The following TET2 variants were observed in gnomAD, a reference collection of about 807,000 sequenced individuals.
TET2 encodes the protein tet methylcytosine dioxygenase 2, also known as methylcytosine dioxygenase TET2.
In TET2, 299 loss-of-function variants were observed where a neutral mutation model predicts 142.9. The observed-to-expected ratio is 2.09, with a 90% CI of 1.90 to 2.30. The LOEUF is 2.30. TET2 is among the 30% of genes most tolerant of loss of function. The pLI, the probability that TET2 is intolerant of heterozygous loss-of-function variation, is 0.00. For synonymous variants in TET2, 819 were observed against 849.0 expected, an observed-to-expected ratio of 0.96 and a Z score of 0.61; for missense variants, 2,418 against 2,378.0, an observed-to-expected ratio of 1.02 and a Z score of -0.35.
Position 105,254,530 on chromosome 4 carries a change from G to C in TET2, c.3804-5089G>C, listed in dbSNP as rs565489796. On this transcript the variant is annotated intron_variant, in intron 6 of 10. Transcript: ENST00000380013. The stretch of plus-strand genomic sequence containing the variant: ...GGGCTCAAGTGATTTACCCACCTCA[G>C]CCTCCCAAGTAGCTCGGACTACAGG... Among the ~76,000 whole-genome samples, 23 of 152,264 alleles carry C rather than the reference G, an allele frequency of 1.5e-4. No homozygotes were observed. The South Asian group carries it at 3.9e-3, about 26-fold the overall frequency.
At chr4:105,272,493 A>AGAT (rs1307131815) in intron 9 of TET2, 71 bp from the exon 10 acceptor site, 2 of 1,032,846 alleles carry the variant, frequency 1.9e-6, no homozygotes, top group Non-Finnish European at 2.8e-6. Context: ...GAGAGGAGAA[A>AGAT]GATACACACA....
intron 1 of TET2, among the ~76,000 whole-genome samples, chr4:105,156,012 A>G (rs965270539): frequency 1.3e-5 from 2 of 152,146 alleles, no homozygotes; most frequent in African/African-American, 4.8e-5. Context: ...TGGAGAAATG[A>G]CTAGCTTACT....
Position 105,261,789 on chromosome 4 carries a change from C to CTG in TET2, c.3987_3988dup (p.Ser1330CysfsTer34). 6.5e-7 allele frequency: 1 copy of CTG among 1,549,110 alleles called. No homozygotes were observed. Among genetic ancestry groups the CTG allele is most frequent in the Non-Finnish European group, 8.7e-7 (1 of 1,145,432 alleles). On this transcript the variant is annotated frameshift_variant, in exon 8 of 11. Coordinates refer to ENST00000380013, the MANE Select transcript of TET2 (RefSeq NM_001127208.3). LOFTEE classifies it high-confidence loss of function. ...GAAACTGGAGTCTCATTTGCAAAAC[C>CTG]TGTCCACTCTTATGGCACCAACATA...
Position 105,235,342 on chromosome 4 carries a change from C to G in TET2, c.1400C>G (p.Thr467Arg). The change falls in exon 3 of 11, where the codon ACA becomes AGA. Residue 467 changes from threonine to arginine, a missense_variant. Thr to Arg is a moderately conservative substitution (Grantham distance 71). Transcript: ENST00000380013. ...APPSQSPNPS[T>R]HVCSPSPMLS... is the part of the protein sequence containing the mutation. ...CCTTCCCAGAGTCCTAATCCATCTA[C>G]ACATGTATGCAGCCCTTCTCCGATG... The G allele has an allele frequency of 6.2e-7, 1 of 1,614,140 alleles. No individual in the cohort carries two copies. The highest frequency in any genetic ancestry group is 1.1e-5 in the South Asian group (1 of 91,078).
rs754811304 is a variant in TET2, at chr4:105,236,145, A to C, written c.2203A>C (p.Ser735Arg). 4 of 1,614,120 alleles carry C rather than the reference A, an allele frequency of 2.5e-6. No homozygotes were observed. The Admixed American group carries it at 6.7e-5, about 27-fold the overall frequency. Residue 735 changes from serine (S) to arginine (R), a missense_variant, in exon 3 of 11, where the codon AGT becomes CGT. Ser to Arg is a moderately radical substitution (Grantham distance 110, BLOSUM62 -1). Coordinates refer to ENST00000380013, the MANE Select transcript of TET2 (RefSeq NM_001127208.3). ...GGCAGCACAAACACAACCATCCCAGAGTTCACATCTCCCTCAAAACCAGCA... is the reference window on the plus strand; with the variant it reads ...GGCAGCACAAACACAACCATCCCAGCGTTCACATCTCCCTCAAAACCAGCA... ...KQAAQTQPSQ[S>R]SHLPQNQQQQ...
intron 2 of TET2, among the ~76,000 whole-genome samples, chr4:105,204,234 T>TACACACACACACACACAC (rs763239434): frequency 1.6e-5 from 2 of 125,950 alleles, no homozygotes; most frequent in Admixed American, 8.4e-5. Context: ...AAAAAATATA[T>TACACACACACACACACAC]ACACACACAC....
intron 6 of TET2, among the ~76,000 whole-genome samples, chr4:105,246,209 C>A (rs1369111367): frequency 2.0e-5 from 3 of 152,204 alleles, no homozygotes; most frequent in African/African-American, 7.2e-5. Flanking sequence ...AGGTGTAGGC[C>A]ACCATGCCCA....
At chr4:105,220,436 T>C (rs921590346) in intron 2 of TET2, among the ~76,000 whole-genome samples, 6 of 152,098 alleles carry the variant, frequency 3.9e-5, no homozygotes, top group African/African-American at 1.4e-4. Flanking sequence ...ATTTTAAAAC[T>C]CCCAACTCAA....
rs371768356 is a variant in TET2 at position 105,273,063 on chromosome 4, C to T, written c.4537+145C>T. ...GGTTTGTTATACAGGTAAACATGTG[C>T]CATGGTGATTTGCTGCACAGATCAA... On this transcript the variant is annotated intron_variant, in intron 10 of 10. Transcript: ENST00000380013. The T allele has an allele frequency of 2.4e-5, 16 of 662,740 alleles. 1 individual carries two copies. In the African/African-American group the frequency reaches 2.9e-4, roughly 12 times the overall value. The allele number at this position is 662,740 out of a possible 1,614,324, so 41.1% of individuals were successfully genotyped here. A position where few individuals can be genotyped will look rare whatever the true frequency, so the allele number is the denominator to read the frequency against.
At chr4:105,200,983 G>A (rs1291058851) in intron 2 of TET2, among the ~76,000 whole-genome samples, 2 of 152,010 alleles carry the variant, frequency 1.3e-5, no homozygotes, top group East Asian at 3.8e-4. Flanking sequence ...TAATCAAAAT[G>A]AGAAAAAAGA....
chr4:105,242,781 CTT>C (rs757350684), intron 4 of TET2, 51 bp from the exon 5 acceptor site: 488 of 1,530,002 alleles, frequency 3.2e-4, no homozygotes, highest in Non-Finnish European at 4.0e-4. Context: ...TTGATTGCCT[CTT>C]GAATTCATTT....
At position 105,278,196 on chromosome 4, in the gene TET2, A is replaced by G; in HGVS notation, c.*1677A>G. 6.3e-6 allele frequency: 1 copy of G among 159,178 alleles called. No homozygotes were observed. The highest frequency in any genetic ancestry group is 1.3e-5 in the Non-Finnish European group (1 of 75,306). 9.9% of individuals were successfully genotyped at this position (159,178 alleles called of 1,614,324 possible). A position where few individuals can be genotyped will look rare whatever the true frequency, so the allele number is the denominator to read the frequency against. ...CATATATATATATATATATATATAT[A>G]TATATATGAGTTTGAAGCAGAATTC... On this transcript the variant is annotated 3_prime_UTR_variant, in exon 11 of 11. Transcript: ENST00000380013.
intron 3 of TET2, chr4:105,240,853 T>C (rs1177836542): frequency 4.6e-6 from 5 of 1,079,548 alleles, no homozygotes; most frequent in Admixed American, 5.3e-5. Context: ...TTAAATGTTA[T>C]AGGGAAGTAG....
chr4:105,268,699 AG>A (rs1240497366), intron 8 of TET2, among the ~76,000 whole-genome samples: 1 of 152,200 alleles, frequency 6.6e-6, no homozygotes, highest in Non-Finnish European at 1.5e-5. Flanking sequence ...GCCCAGGCGC[AG>A]TGGCTCACGC....
intron 3 of TET2, chr4:105,240,905 C>T: frequency 9.3e-7 from 1 of 1,080,522 alleles, no homozygotes; most frequent in Non-Finnish European, 1.1e-6. Context: ...AAGCAATATT[C>T]TGGGGGTGGG....
intron 7 of TET2, among the ~76,000 whole-genome samples, chr4:105,260,973 C>T (rs1730394078): frequency 6.6e-6 from 1 of 151,790 alleles, no homozygotes; most frequent in South Asian, 2.1e-4. Context: ...CAGAGGATAC[C>T]AAGTAACTTA....
At chr4:105,211,851 C>T (rs1346839118) in intron 2 of TET2, among the ~76,000 whole-genome samples, 1 of 152,066 alleles carries the variant, frequency 6.6e-6, no homozygotes, top group African/African-American at 2.4e-5. Flanking sequence ...TTAATGTTGT[C>T]ACTAGATTAA....
intron 8 of TET2, among the ~76,000 whole-genome samples, chr4:105,268,122 T>C (rs1730778666): frequency 6.6e-6 from 1 of 152,036 alleles, no homozygotes; most frequent in South Asian, 2.1e-4. Flanking sequence ...CAAGATTGGG[T>C]AGGAAAAAAT....
intron 2 of TET2, among the ~76,000 whole-genome samples, chr4:105,200,033 A>C (rs564130227): frequency 6.6e-6 from 1 of 151,344 alleles, no homozygotes; most frequent in Non-Finnish European, 1.5e-5. Context: ...TAATAGAATA[A>C]TTTTTTTTTC....
Sources: allele counts gnomAD v4.1 joint callset (sites outside exome capture counted in the v4.1 genomes callset), GRCh38; gene constraint gnomAD v4.1.1; transcripts MANE v1.5; gene names NCBI Gene and HGNC (gene_info 2026-07-23, HGNC 2026-07-21).